PSORS1C1: variants seen among roughly 807,000 people sequenced by gnomAD.
The protein encoded by PSORS1C1 is psoriasis susceptibility 1 candidate 1.
A neutral mutation model predicts 9.4 loss-of-function variants in PSORS1C1; 7 were observed. That is an observed-to-expected ratio of 0.75 (90% CI 0.42 to 1.40). The LOEUF is 1.40. Among genes scored for constraint, PSORS1C1 ranks in the 40% most tolerant of loss-of-function variants. The pLI is 0.01. For missense variants in PSORS1C1, 146 were observed against 178.1 expected (o/e 0.82, Z 1.02); for synonymous variants, 63 against 69.4 (o/e 0.91, Z 0.46).
At chr6:31,130,161 G>T (rs1772843859) in intron 3 of PSORS1C1, among the ~76,000 whole-genome samples, 2 of 151,954 alleles carry the variant, frequency 1.3e-5, no homozygotes, top group Admixed American at 1.3e-4. Context: ...TTGGCTTGAG[G>T]GTCAGTTTGA....
chr6:31,120,476 G>T, intron 1 of PSORS1C1: 1 of 1,392,962 alleles, frequency 7.2e-7, no homozygotes, highest in Non-Finnish European at 1.0e-6. Context: ...GGTCCTTTAT[G>T]CCAGAGCTGG....
intron 1 of PSORS1C1, chr6:31,116,070 G>T: frequency 6.2e-7 from 1 of 1,612,136 alleles, no homozygotes; most frequent in East Asian, 2.2e-5. Flanking sequence ...AAACTTCAGG[G>T]TCAGCTAGCT....
chr6:31,115,137 T>C lies in PSORS1C1; in HGVS notation c.-229+246T>C. 2.9e-6 allele frequency: 1 copy of C among 341,340 alleles called. No individual in the cohort carries two copies. Among genetic ancestry groups the C allele is most frequent in the Non-Finnish European group, 5.7e-6 (1 of 175,220 alleles). The allele number at this position is 341,340 out of a possible 1,614,324, so 21.1% of individuals were successfully genotyped here. A position where few individuals can be genotyped will look rare whatever the true frequency, so the allele number is the denominator to read the frequency against. ...TGTCTTCCTCCTCTGTGGGAGCAGC[T>C]GGAAGGTAGAAGAGAAACACAGCCC... On this transcript the variant is annotated intron_variant, in intron 1 of 5. Transcript: ENST00000259881. The surrounding 1 kb of genome is among the most constrained non-coding windows in gnomAD (Gnocchi z 4.2).
intron 1 of PSORS1C1, chr6:31,120,417 C>A: frequency 6.3e-7 from 1 of 1,582,680 alleles, no homozygotes; most frequent in Non-Finnish European, 8.6e-7. Flanking sequence ...GAGACGAGCC[C>A]ATCTCGGACT....
intron 1 of PSORS1C1, among the ~76,000 whole-genome samples, chr6:31,123,243 G>A (rs1772541457): frequency 6.6e-6 from 1 of 152,186 alleles, no homozygotes; most frequent in African/African-American, 2.4e-5. Context: ...ACCCTGGGCT[G>A]CCCAGTTCCT....
chr6:31,136,154 G>A (rs3132561), intron 3 of PSORS1C1, among the ~76,000 whole-genome samples: 73,022 of 151,912 alleles, frequency 0.48, 19,509 homozygotes, highest in African/African-American at 0.72. Context: ...TGGGAGGCCA[G>A]GGCAAGCAGA....
intron 3 of PSORS1C1, among the ~76,000 whole-genome samples, chr6:31,131,008 T>C (rs1409057062): frequency 6.6e-6 from 1 of 152,082 alleles, no homozygotes. Flanking sequence ...ATTTTGTTTG[T>C]TCAGAGACAG....
At position 31,124,780 on chromosome 6, in the gene PSORS1C1, G is replaced by A. The variant is rs546670654; in HGVS notation, c.-228-896G>A. Reference sequence around the variant, plus strand: ...AGCTCAGGAATTTGAAACCAGCCTGGCCAACATGGCAAAACCATCTCTACT... The same window carrying A: ...AGCTCAGGAATTTGAAACCAGCCTGACCAACATGGCAAAACCATCTCTACT... On this transcript the variant is annotated intron_variant, in intron 1 of 5. Transcript: ENST00000259881. 5.9e-5 allele frequency among the ~76,000 whole-genome samples: 9 copies of A among 152,282 alleles called. No homozygotes were observed. The East Asian group carries it at 9.6e-4, about 16-fold the overall frequency.
rs1772049650 is a variant in PSORS1C1, at chr6:31,115,331, C to T, written c.-229+440C>T. ...TCCAGGGACAGCAGGGAGCCTGCTT[C>T]AACCTCTGAGGGTGCCCCAGTGTCT... On this transcript the variant is annotated intron_variant, in intron 1 of 5. Coordinates refer to ENST00000259881, the MANE Select transcript of PSORS1C1 (RefSeq NM_014068.3). The surrounding 1 kb of genome is among the most constrained non-coding windows in gnomAD (Gnocchi z 4.2). 3 of 178,890 alleles carry T rather than the reference C, an allele frequency of 1.7e-5. No homozygotes were observed. The highest frequency in any genetic ancestry group is 4.8e-5 in the African/African-American group (2 of 41,846). 11.1% of individuals were successfully genotyped at this position (178,890 alleles called of 1,614,324 possible). A position where few individuals can be genotyped will look rare whatever the true frequency, so the allele number is the denominator to read the frequency against.
At chr6:31,137,709 G>C (rs1010037987) in intron 3 of PSORS1C1, 2 of 392,892 alleles carry the variant, frequency 5.1e-6, no homozygotes, top group South Asian at 1.3e-4. Context: ...CTGGAGGCGA[G>C]GTAGGAGAGT....
intron 1 of PSORS1C1, chr6:31,116,392 G>C: frequency 1.2e-6 from 2 of 1,602,336 alleles, no homozygotes; most frequent in South Asian, 2.2e-5. Context: ...GGGTAAACCG[G>C]AGCTGCTGGA....
At chr6:31,137,211 C>T (rs565740647) in intron 3 of PSORS1C1, among the ~76,000 whole-genome samples, 1 of 151,974 alleles carries the variant, frequency 6.6e-6, no homozygotes, top group African/African-American at 2.4e-5. Flanking sequence ...AATCCCAGCA[C>T]TTTGGGAGGC....
intron 3 of PSORS1C1, among the ~76,000 whole-genome samples, chr6:31,134,228 G>T (rs913809358): frequency 2.0e-5 from 3 of 151,876 alleles, no homozygotes; most frequent in Non-Finnish European, 2.9e-5. Context: ...TAATCCACCC[G>T]CCTCAGCCTC....
At chr6:31,119,034 G>A (rs62400585) in intron 1 of PSORS1C1, among the ~76,000 whole-genome samples, 3,779 of 151,816 alleles carry the variant, frequency 0.025, 68 homozygotes, top group East Asian at 0.066. Flanking sequence ...AGTAGAGAGG[G>A]GGTTTCACCA....
At chr6:31,120,305 C>T (rs1203290635) in intron 1 of PSORS1C1, 7 of 1,527,276 alleles carry the variant, frequency 4.6e-6, no homozygotes, top group Admixed American at 1.9e-5. Context: ...TCCCGCCTCC[C>T]TCCTGTTCCC....
chr6:31,120,465 G>T (rs545243512), intron 1 of PSORS1C1: 2 of 1,451,310 alleles, frequency 1.4e-6, no homozygotes, highest in Non-Finnish European at 1.9e-6. Flanking sequence ...AAGGACACCC[G>T]GGTCCTTTAT....
chr6:31,117,367 C>T (rs1305160228), intron 1 of PSORS1C1: 11 of 1,575,574 alleles, frequency 7.0e-6, no homozygotes, highest in Non-Finnish European at 8.6e-6. Flanking sequence ...ACCACCAGAG[C>T]TTCTGGCACT....
intron 3 of PSORS1C1, among the ~76,000 whole-genome samples, chr6:31,137,264 G>A (rs1773186687): frequency 6.6e-6 from 1 of 152,084 alleles, no homozygotes; most frequent in African/African-American, 2.4e-5. Context: ...AGACCACTCT[G>A]GCTAACACGG....
At chr6:31,116,450 C>T in intron 1 of PSORS1C1, 1 of 1,591,852 alleles carries the variant, frequency 6.3e-7, no homozygotes, top group Non-Finnish European at 8.6e-7. Context: ...GAGCAGGGTC[C>T]CTTGGAGCCC....
Sources: allele counts gnomAD v4.1 joint callset (sites outside exome capture counted in the v4.1 genomes callset), GRCh38; gene constraint gnomAD v4.1.1; non-coding constraint Gnocchi (gnomAD v3.1); transcripts MANE v1.5; gene names NCBI Gene and HGNC (gene_info 2026-07-23, HGNC 2026-07-21).